The following JAKMIP1 variants were observed in gnomAD, a reference collection of about 807,000 sequenced individuals.
The protein encoded by JAKMIP1 is janus kinase and microtubule-interacting protein 1.
In JAKMIP1, 33 loss-of-function variants were observed where a neutral mutation model predicts 113.0. The ratio of observed to expected loss-of-function variants is 0.29; its 90% CI spans 0.22 to 0.39. The LOEUF is 0.39. Ranked by LOEUF, JAKMIP1 falls within the 10% of genes least tolerant of loss-of-function variation. The probability of loss-of-function intolerance (pLI) is 1.00; values close to 1 mark genes in which losing one functional copy is unlikely to be tolerated. For synonymous variants in JAKMIP1, 480 were observed against 459.9 expected, an observed-to-expected ratio of 1.04 and a Z score of -0.56; for missense variants, 813 against 1,080.5, an observed-to-expected ratio of 0.75 and a Z score of 3.47.
chr4:6,166,878 A>T (rs1723703277), intron 1 of JAKMIP1, among the ~76,000 whole-genome samples: 15 of 152,064 alleles, frequency 9.9e-5, no homozygotes, highest in Admixed American at 9.8e-4. Context: ...CCTCTGTGAT[A>T]TTCCATATAG....
intron 1 of JAKMIP1, among the ~76,000 whole-genome samples, chr4:6,123,575 C>T (rs1482748813): frequency 6.6e-6 from 1 of 152,218 alleles, no homozygotes; most frequent in Non-Finnish European, 1.5e-5. Context: ...AATCCCAGCA[C>T]TCTGAGAGCC....
chr4:6,151,738 G>A (rs1056972006), intron 1 of JAKMIP1, among the ~76,000 whole-genome samples: 3 of 152,116 alleles, frequency 2.0e-5, no homozygotes, highest in African/African-American at 2.4e-5. Context: ...GAAGCTGGAC[G>A]GCAAAGTGGC....
chr4:6,097,681 T>G lies in JAKMIP1; in HGVS notation c.624+7792A>C, dbSNP rs1010595237. 1.3e-5 allele frequency among the ~76,000 whole-genome samples: 2 copies of G among 152,298 alleles called. No individual in the cohort carries two copies. The highest frequency in any genetic ancestry group is 2.4e-5 in the African/African-American group (1 of 41,572). On this transcript the variant is annotated intron_variant, in intron 3 of 20. Coordinates refer to ENST00000409021, the MANE Select transcript of JAKMIP1 (RefSeq NM_001099433.2). This position sits in a 1 kb window ranked among gnomAD's most constrained non-coding sequence, Gnocchi z 4.3. Reference sequence around the variant, plus strand: ...AAAACTCCATAAGGATGGGGGAAGCTTTACAGATCACTTCCCCATTTTGCA... The same window carrying G: ...AAAACTCCATAAGGATGGGGGAAGCGTTACAGATCACTTCCCCATTTTGCA...
Position 6,084,967 on chromosome 4 carries a change from T to TAAAAAAAA in JAKMIP1, c.835-10_835-3dup, listed in dbSNP as rs56874913. 3.4e-4 allele frequency: 128 copies of TAAAAAAAA among 377,924 alleles called. No homozygotes were observed. Among genetic ancestry groups the TAAAAAAAA allele is most frequent in the Middle Eastern group, 1.2e-3 (1 of 808 alleles). The allele number at this position is 377,924 out of a possible 1,614,324, so 23.4% of individuals were successfully genotyped here. ...ATCTCGCTCGTCCATATGTTGATCC[T>TAAAAAAAA]AAAAAAAAAAAAAAAAAAAAAAAAA... On this transcript the variant is annotated splice_region_variant and splice_polypyrimidine_tract_variant and intron_variant, in intron 4 of 20. Coordinates refer to ENST00000409021, the MANE Select transcript of JAKMIP1 (RefSeq NM_001099433.2).
In JAKMIP1 at chr4:6,143,208, C is replaced by T. The variant is rs545294579; in HGVS notation, c.-147-30211G>A. Among the ~76,000 whole-genome samples, 1 of 152,276 alleles carries T rather than the reference C, an allele frequency of 6.6e-6. No individual in the cohort carries two copies. Among genetic ancestry groups the T allele is most frequent in the African/African-American group, 2.4e-5 (1 of 41,562 alleles). ...ACAGCACCTTGCACAGTGCCTGGTG[C>T]GTGGTAGAGTTTGCAGAAAGCACTA... On this transcript the variant is annotated intron_variant, in intron 1 of 20. Coordinates refer to ENST00000409021, the MANE Select transcript of JAKMIP1 (RefSeq NM_001099433.2). The surrounding 1 kb of genome is among the most constrained non-coding windows in gnomAD (Gnocchi z 4.9).
rs572940793 is a variant in JAKMIP1 at position 6,116,269 on chromosome 4, G to T, written c.-147-3272C>A. 6.6e-6 allele frequency among the ~76,000 whole-genome samples: 1 copy of T among 152,114 alleles called. No individual in the cohort carries two copies. Among genetic ancestry groups the T allele is most frequent in the Admixed American group, 6.6e-5 (1 of 15,262 alleles). ...CCCTCTGGCTGCGGGCTGCCCAAAG[G>T]TCTCATCAGCAGGAGCAACAGCAGG... On this transcript the variant is annotated intron_variant, in intron 1 of 20. Transcript: ENST00000409021. The surrounding 1 kb of genome is among the most constrained non-coding windows in gnomAD (Gnocchi z 5.1).
At chr4:6,066,253 G>A (rs1718063458) in intron 8 of JAKMIP1, among the ~76,000 whole-genome samples, 1 of 152,020 alleles carries the variant, frequency 6.6e-6, no homozygotes, top group Non-Finnish European at 1.5e-5. Context: ...AAATGTGACT[G>A]GCACCAGAGT....
At chr4:6,170,276 A>ACC (rs1724291836) in intron 1 of JAKMIP1, among the ~76,000 whole-genome samples, 1 of 140,770 alleles carries the variant, frequency 7.1e-6, no homozygotes, top group African/African-American at 2.7e-5. Context: ...CACCACCACC[A>ACC]TCACCACCAC....
At position 6,194,908 on chromosome 4, in the gene JAKMIP1, A is replaced by G. The variant is rs1464845683; in HGVS notation, c.-148+5345T>C. Among the ~76,000 whole-genome samples, 10 of 152,150 alleles carry G rather than the reference A, an allele frequency of 6.6e-5. No individual in the cohort carries two copies. The highest frequency in any genetic ancestry group is 6.5e-4 in the Admixed American group (10 of 15,274). On this transcript the variant is annotated intron_variant, in intron 1 of 20. Transcript: ENST00000409021. The surrounding 1 kb of genome is among the most constrained non-coding windows in gnomAD (Gnocchi z 7.4). ...CTGGAAAGGATAAAGGGGCCACCTC[A>G]GACCACACAGAGGGGAACAGGCTGA... is the stretch of plus-strand genomic sequence containing the variant.
chr4:6,159,785 C>T (rs996991638), intron 1 of JAKMIP1, among the ~76,000 whole-genome samples: 18 of 152,176 alleles, frequency 1.2e-4, no homozygotes, highest in African/African-American at 3.1e-4. Context: ...GGACTGCTTT[C>T]GCTAATAGCT....
In JAKMIP1 at chr4:6,151,430, C is replaced by T. The variant is rs141508638; in HGVS notation, c.-147-38433G>A. On this transcript the variant is annotated intron_variant, in intron 1 of 20. Coordinates refer to ENST00000409021, the MANE Select transcript of JAKMIP1 (RefSeq NM_001099433.2). ...TCCAAATCCCCAAATGCTCAGCGCC[C>T]TCTCTGAGGTGCCTCCATGCCTCTG... Among the ~76,000 whole-genome samples the T allele has an allele frequency of 3.9e-3, 588 of 152,274 alleles. 2 individuals are homozygous for T. The highest frequency in any genetic ancestry group is 0.013 in the African/African-American group (560 of 41,554).
Position 6,136,334 on chromosome 4 carries a change from C to CA in JAKMIP1, c.-147-23338dup, listed in dbSNP as rs1476911315. Among the ~76,000 whole-genome samples the CA allele has an allele frequency of 1.3e-5, 2 of 152,026 alleles. No homozygotes were observed. Among genetic ancestry groups the CA allele is most frequent in the Non-Finnish European group, 2.9e-5 (2 of 68,012 alleles). The stretch of plus-strand genomic sequence containing the variant: ...ATCCATATTTCAGTCTGCTTGAACC[C>CA]AAAAGACCATGGGAATATTTAAGTA... On this transcript the variant is annotated intron_variant, in intron 1 of 20. Transcript: ENST00000409021. This position sits in a 1 kb window ranked among gnomAD's most constrained non-coding sequence, Gnocchi z 5.9.
intron 1 of JAKMIP1, among the ~76,000 whole-genome samples, chr4:6,117,357 G>A (rs1161714098): frequency 6.6e-6 from 1 of 152,152 alleles, no homozygotes; most frequent in African/African-American, 2.4e-5. Flanking sequence ...GATCCGTGAT[G>A]CCCCACAAGC....
Position 6,153,947 on chromosome 4 carries a change from A to G in JAKMIP1, c.-147-40950T>C, listed in dbSNP as rs1721919976. On this transcript the variant is annotated intron_variant, in intron 1 of 20. Coordinates refer to ENST00000409021, the MANE Select transcript of JAKMIP1 (RefSeq NM_001099433.2). This position sits in a 1 kb window ranked among gnomAD's most constrained non-coding sequence, Gnocchi z 4.9. ...CCCTGAGGCCCCTTTTGGCTGGGAA[A>G]GTCTGGATCCTGCCTCTTACTTGTC... Among the ~76,000 whole-genome samples, 1 of 152,216 alleles carries G rather than the reference A, an allele frequency of 6.6e-6. No individual in the cohort carries two copies. Among genetic ancestry groups the G allele is most frequent in the African/African-American group, 2.4e-5 (1 of 41,458 alleles).
In JAKMIP1 at chr4:6,080,331, A is replaced by T; in HGVS notation, c.1102-19T>A. 2 of 1,611,946 alleles carry T rather than the reference A, an allele frequency of 1.2e-6. No individual in the cohort carries two copies. The highest frequency in any genetic ancestry group is 1.7e-6 in the Non-Finnish European group (2 of 1,178,880). On this transcript the variant is annotated intron_variant, in intron 6 of 20. Transcript: ENST00000409021. The surrounding 1 kb of genome is among the most constrained non-coding windows in gnomAD (Gnocchi z 6.0). ...TTTCTTTCTGCAGCCACAGGGAGAC[A>T]GACCACCACAGGGTTACCCGCCAAC...
chr4:6,170,575 A>T, intron 1 of JAKMIP1, among the ~76,000 whole-genome samples: 1 of 149,700 alleles, frequency 6.7e-6, no homozygotes, highest in Non-Finnish European at 1.5e-5. Flanking sequence ...CACCATTGCC[A>T]CCATTACACC....
At chr4:6,172,458 G>A (rs1724841758) in intron 1 of JAKMIP1, among the ~76,000 whole-genome samples, 1 of 152,248 alleles carries the variant, frequency 6.6e-6, no homozygotes, top group Middle Eastern at 3.4e-3. Flanking sequence ...CTCCAGCTCT[G>A]GCCTGGGTTT....
chr4:6,125,504 T>C (rs1352547519), intron 1 of JAKMIP1, among the ~76,000 whole-genome samples: 3 of 152,068 alleles, frequency 2.0e-5, no homozygotes, highest in African/African-American at 7.3e-5. Context: ...GAGTCCGTTA[T>C]GTGTCCAGGA....
Position 6,097,272 on chromosome 4 carries a change from C to A in JAKMIP1, c.624+8201G>T, listed in dbSNP as rs1437835848. On this transcript the variant is annotated intron_variant, in intron 3 of 20. Transcript: ENST00000409021. This position sits in a 1 kb window ranked among gnomAD's most constrained non-coding sequence, Gnocchi z 4.3. ...TCAGCCTCCTGATGTATTGGGATTA[C>A]AGTCATGAGCCATCTCGCCCCGTTC... is the stretch of plus-strand genomic sequence containing the variant. Among the ~76,000 whole-genome samples the A allele has an allele frequency of 6.6e-6, 1 of 152,226 alleles. No individual in the cohort carries two copies. The highest frequency in any genetic ancestry group is 1.5e-5 in the Non-Finnish European group (1 of 68,046).
Sources: allele counts gnomAD v4.1 joint callset (sites outside exome capture counted in the v4.1 genomes callset), GRCh38; gene constraint gnomAD v4.1.1; non-coding constraint Gnocchi (gnomAD v3.1); transcripts MANE v1.5; gene names NCBI Gene and HGNC (gene_info 2026-07-23, HGNC 2026-07-21).